CACNA2D1: variants seen among roughly 807,000 people sequenced by gnomAD.
CACNA2D1 encodes the protein calcium voltage-gated channel auxiliary subunit alpha2delta 1.
In CACNA2D1, 53 loss-of-function variants were observed where a neutral mutation model predicts 171.5. The ratio of observed to expected loss-of-function variants is 0.31; its 90% CI spans 0.25 to 0.39. The LOEUF (loss-of-function observed/expected upper bound fraction) is 0.39, where lower values mean the gene tolerates loss of function less well. Among genes scored for constraint, CACNA2D1 ranks in the 10% least tolerant of loss-of-function variants. The pLI is 1.00. For synonymous variants in CACNA2D1, 442 were observed against 443.1 expected (o/e 1.00, Z 0.03); for missense variants, 903 against 1,299.8 (o/e 0.69, Z 4.69).
chr7:82,111,439 TATATA>T (rs1401392033), intron 6 of CACNA2D1, among the ~76,000 whole-genome samples: 1 of 105,290 alleles, frequency 9.5e-6, no homozygotes, highest in African/African-American at 3.9e-5. Flanking sequence ...TATATATATA[TATATA>T]TTTTTTTTTT....
chr7:82,324,577 G>C (rs1816415965), intron 3 of CACNA2D1, among the ~76,000 whole-genome samples: 1 of 151,840 alleles, frequency 6.6e-6, no homozygotes, highest in Admixed American at 6.6e-5. Flanking sequence ...CTTCTGTTTG[G>C]CCCCAAATTC....
In CACNA2D1 at chr7:82,114,381, T is replaced by C. The variant is rs187325909; in HGVS notation, c.526+2663A>G. Among the ~76,000 whole-genome samples, 55 of 152,252 alleles carry C rather than the reference T, an allele frequency of 3.6e-4. No homozygotes were observed. The Middle Eastern group carries it at 0.017, about 47-fold the overall frequency. ...CTCCTGTGGACAATTCTGGCTCACA[T>C]ATAACCAAACAATAACCTATAAACT... On this transcript the variant is annotated intron_variant, in intron 6 of 38. Transcript: ENST00000356860.
At chr7:81,998,483 G>C (rs1214363469) in intron 18 of CACNA2D1, among the ~76,000 whole-genome samples, 2 of 151,944 alleles carry the variant, frequency 1.3e-5, no homozygotes, top group Admixed American at 6.6e-5. Context: ...ATCTTATCAA[G>C]ATGTTGAATG....
rs189474191 is a variant in CACNA2D1 at position 82,194,239 on chromosome 7, T to C, written c.295-23630A>G. ...ATCAATTATCATAAGCAACCTCCAG[T>C]TGGTAGTCAAGCTATGGCTCAAGAG... On this transcript the variant is annotated intron_variant, in intron 3 of 38. Transcript: ENST00000356860. 1.6e-3 allele frequency among the ~76,000 whole-genome samples: 239 copies of C among 152,056 alleles called. 1 individual carries two copies. Among genetic ancestry groups the C allele is most frequent in the African/African-American group, 5.5e-3 (230 of 41,510 alleles).
intron 6 of CACNA2D1, among the ~76,000 whole-genome samples, chr7:82,099,550 C>T (rs1812409748): frequency 1.0e-5 from 1 of 100,414 alleles, no homozygotes; most frequent in African/African-American, 3.5e-5. Flanking sequence ...CCCGGGTTCA[C>T]GCCATTCTCC....
At chr7:82,011,379 C>G (rs545443450) in intron 15 of CACNA2D1, among the ~76,000 whole-genome samples, 1 of 152,134 alleles carries the variant, frequency 6.6e-6, no homozygotes, top group African/African-American at 2.4e-5. Flanking sequence ...CAAGCTTGCT[C>G]TAGATGCCAG....
chr7:82,177,068 ATTT>A (rs1181991934), intron 3 of CACNA2D1, among the ~76,000 whole-genome samples: 7 of 55,230 alleles, frequency 1.3e-4, no homozygotes, highest in African/African-American at 4.1e-4. Context: ...ACAGGTCTCT[ATTT>A]TTTTTTTTTT....
chr7:82,350,906 T>A lies in CACNA2D1; in HGVS notation c.96-1257A>T, dbSNP rs73704223. Among the ~76,000 whole-genome samples, 433 of 152,354 alleles carry A rather than the reference T, an allele frequency of 2.8e-3. 1 individual carries two copies. Among genetic ancestry groups the A allele is most frequent in the African/African-American group, 1.0e-2 (414 of 41,582 alleles). On this transcript the variant is annotated intron_variant, in intron 1 of 38. Transcript: ENST00000356860. ...CATCTTAAAATATAAGCTATGGATG[T>A]CAGGATATTTTAGAAGACCCTAAAT...
intron 4 of CACNA2D1, among the ~76,000 whole-genome samples, chr7:82,159,896 C>T (rs759808107): frequency 2.3e-4 from 23 of 99,920 alleles, no homozygotes; most frequent in Non-Finnish European, 4.3e-4. Flanking sequence ...GCTCAATTAA[C>T]GTGATGTTCC....
chr7:82,198,911 A>G (rs1350938298), intron 3 of CACNA2D1, among the ~76,000 whole-genome samples: 2 of 152,044 alleles, frequency 1.3e-5, no homozygotes, highest in Admixed American at 1.3e-4. Context: ...TGGCTTTGTG[A>G]AGAGTTTCAC....
chr7:82,428,598 C>T lies in CACNA2D1; in HGVS notation c.95+14767G>A, dbSNP rs61174750. 2.6e-3 allele frequency among the ~76,000 whole-genome samples: 393 copies of T among 152,240 alleles called. 1 individual carries two copies. The highest frequency in any genetic ancestry group is 8.9e-3 in the African/African-American group (371 of 41,542). On this transcript the variant is annotated intron_variant, in intron 1 of 38. Transcript: ENST00000356860. ...AAAATGTCTAGTTCTCATGGCTCCACATTAGAATCAGAAAAGATGAAAGAA... is the reference window on the plus strand; with the variant it reads ...AAAATGTCTAGTTCTCATGGCTCCATATTAGAATCAGAAAAGATGAAAGAA...
chr7:82,018,368 T>C (rs1328069205), intron 12 of CACNA2D1, among the ~76,000 whole-genome samples: 1 of 152,172 alleles, frequency 6.6e-6, no homozygotes, highest in East Asian at 1.9e-4. Context: ...AAGAAGACTT[T>C]GGTGTTATCC....
intron 3 of CACNA2D1, among the ~76,000 whole-genome samples, chr7:82,243,728 G>A (rs147596281): frequency 0.03 from 4,553 of 152,264 alleles, 110 homozygotes; most frequent in Non-Finnish European, 0.044. Flanking sequence ...CTACATGGGT[G>A]CAGACAAAAG....
rs568703954 is a variant in CACNA2D1 at position 82,038,377 on chromosome 7, G to A, written c.880-142C>T. ...AAAAGTGAGTAGGCTGGTGACAAAG[G>A]TGCATTAAGAAACCAATGGCTATTT... On this transcript the variant is annotated intron_variant, in intron 10 of 38. Coordinates refer to ENST00000356860, the MANE Select transcript of CACNA2D1 (RefSeq NM_000722.4). The A allele has an allele frequency of 1.7e-4, 124 of 715,544 alleles. No homozygotes were observed. The South Asian group carries it at 2.3e-3, about 13-fold the overall frequency. The allele number at this position is 715,544 out of a possible 1,614,324, so 44.3% of individuals were successfully genotyped here. A position where few individuals can be genotyped will look rare whatever the true frequency, so the allele number is the denominator to read the frequency against.
chr7:82,076,963 T>G (rs1809039186), intron 7 of CACNA2D1, among the ~76,000 whole-genome samples: 1 of 152,172 alleles, frequency 6.6e-6, no homozygotes, highest in South Asian at 2.1e-4. Context: ...TTCATAAACC[T>G]CTTATATGAC....
At chr7:82,436,073 G>A (rs1389322449) in intron 1 of CACNA2D1, among the ~76,000 whole-genome samples, 1 of 152,234 alleles carries the variant, frequency 6.6e-6, no homozygotes, top group East Asian at 1.9e-4. Context: ...TTTCCTTAGG[G>A]ACTCTCTTCC....
chr7:82,017,736 G>A (rs1044796373), intron 12 of CACNA2D1, among the ~76,000 whole-genome samples: 1 of 152,022 alleles, frequency 6.6e-6, no homozygotes, highest in Non-Finnish European at 1.5e-5. Context: ...TCTCAAAGAT[G>A]TGTATTTGTA....
At chr7:82,006,088 T>G (rs2130872645) in intron 16 of CACNA2D1, among the ~76,000 whole-genome samples, 1 of 152,064 alleles carries the variant, frequency 6.6e-6, no homozygotes, top group South Asian at 2.1e-4. Context: ...AAAGGATAAA[T>G]AAAAATGTTT....
chr7:82,060,220 A>C (rs1490867651), intron 10 of CACNA2D1, among the ~76,000 whole-genome samples: 1 of 61,030 alleles, frequency 1.6e-5, no homozygotes, highest in African/African-American at 6.6e-5. Context: ...TAATATATAT[A>C]TAATATATAT....
Sources: gnomAD v4.1 joint callset for allele counts (sites outside exome capture counted in the v4.1 genomes callset) on GRCh38, gnomAD v4.1.1 for gene constraint, MANE v1.5 for transcripts, NCBI Gene and HGNC (gene_info 2026-07-23, HGNC 2026-07-21) for gene names.